MATR3: variants seen among roughly 807,000 people sequenced by gnomAD.
The protein encoded by MATR3 is matrin-3.
MATR3 carries 4 observed loss-of-function variants against 85.5 expected under a neutral mutation model. The observed-to-expected ratio is 0.05, with a 90% CI of 0.02 to 0.11. The LOEUF is 0.11. Ranked by LOEUF, MATR3 falls within the 10% of genes least tolerant of loss-of-function variation. The pLI, the probability that MATR3 is intolerant of heterozygous loss-of-function variation, is 1.00. For missense variants in MATR3, 685 were observed against 1,016.1 expected (o/e 0.67, Z 4.43); for synonymous variants, 336 against 343.1 (o/e 0.98, Z 0.23).
At chr5:139,317,405 G>T (rs73255234) in intron 6 of MATR3, among the ~76,000 whole-genome samples, 191 bp from the exon 7 acceptor site, 1 of 152,088 alleles carries the variant, frequency 6.6e-6, no homozygotes, top group African/African-American at 2.4e-5. Flanking sequence ...TAGTTTAACC[G>T]TTTGGTTATG....
chr5:139,276,386 T>A (rs1489578801), intron 2 of MATR3: 1 of 355,682 alleles, frequency 2.8e-6, no homozygotes, highest in African/African-American at 2.1e-5. Flanking sequence ...GGATAAGAAT[T>A]GTCTTGGGCC....
chr5:139,296,173 A>G (rs866524326), intron 1 of MATR3, among the ~76,000 whole-genome samples: 3 of 152,194 alleles, frequency 2.0e-5, no homozygotes, highest in African/African-American at 7.2e-5. Context: ...TAAATTTAAT[A>G]TCAGTTATTA....
intron 14 of MATR3, among the ~76,000 whole-genome samples, chr5:139,327,516 G>C (rs1447322489): frequency 6.6e-6 from 1 of 152,092 alleles, no homozygotes; most frequent in African/African-American, 2.4e-5. Context: ...CCGCCTCCCA[G>C]GTTCAAGCCA....
intron 1 of MATR3, among the ~76,000 whole-genome samples, chr5:139,305,020 A>G (rs1021378114): frequency 6.6e-6 from 1 of 152,154 alleles, no homozygotes; most frequent in Non-Finnish European, 1.5e-5. Flanking sequence ...AATTTGGTTT[A>G]TTTGTGGTTT....
chr5:139,320,623 G>T (rs1414475382), intron 9 of MATR3, among the ~76,000 whole-genome samples: 1 of 151,964 alleles, frequency 6.6e-6, no homozygotes, highest in African/African-American at 2.4e-5. Context: ...TAAGGATGAG[G>T]AGAACATCTT....
chr5:139,285,771 G>A (rs2151890218), intron 3 of MATR3, among the ~76,000 whole-genome samples: 1 of 152,166 alleles, frequency 6.6e-6, no homozygotes, highest in East Asian at 1.9e-4. Flanking sequence ...TGGAGCTAGA[G>A]AACACAATGA....
At chr5:139,294,919 C>CT (rs1256113081) in intron 1 of MATR3, 3 of 152,140 alleles carry the variant, frequency 2.0e-5, no homozygotes, top group Non-Finnish European at 4.4e-5. Context: ...CCAGATATTT[C>CT]TAGAACGGTT....
intron 1 of MATR3, among the ~76,000 whole-genome samples, chr5:139,305,727 T>C (rs1419677109): frequency 6.6e-6 from 1 of 152,172 alleles, no homozygotes; most frequent in East Asian, 1.9e-4. Context: ...ATAGTTTCTT[T>C]GGTGTATTTT....
At position 139,329,835 on chromosome 5, in the gene MATR3, T is replaced by C. The variant is rs778552955; in HGVS notation, c.*440T>C. 5.1e-5 allele frequency: 23 copies of C among 454,620 alleles called. No individual in the cohort carries two copies. Among genetic ancestry groups the C allele is most frequent in the South Asian group, 3.6e-4 (23 of 64,478 alleles). The allele number at this position is 454,620 out of a possible 1,614,324, so 28.2% of individuals were successfully genotyped here. ...GTTTTAATCTGAGCCTTGCAGACTTTCATTTGGAGTTTGAACCCGTTTTGG... is the reference window on the plus strand; with the variant it reads ...GTTTTAATCTGAGCCTTGCAGACTTCCATTTGGAGTTTGAACCCGTTTTGG... On this transcript the variant is annotated 3_prime_UTR_variant, in exon 15 of 15. Coordinates refer to ENST00000394805, the MANE Select transcript of MATR3 (RefSeq NM_018834.6).
Position 139,316,109 on chromosome 5 carries a change from T to C in MATR3, c.1050T>C (p.Asn350=). The change falls in exon 5 of 15, where the codon AAT becomes AAC. Residue 350 remains asparagine, a synonymous_variant. Transcript: ENST00000394805. ...GDPFMLQQST[N]PAPGILGPPP... ...CATTCATGTTGCAGCAGTCTACAAA[T>C]CCAGCACCAGGAATTCTGGGACCTC... is the stretch of plus-strand genomic sequence containing the variant. 2.5e-6 allele frequency: 4 copies of C among 1,613,810 alleles called. No individual in the cohort carries two copies. Among genetic ancestry groups the C allele is most frequent in the Non-Finnish European group, 3.4e-6 (4 of 1,179,946 alleles).
chr5:139,276,161 C>G (rs1753268743), intron 2 of MATR3: 1 of 456,574 alleles, frequency 2.2e-6, no homozygotes, highest in East Asian at 6.9e-5. Flanking sequence ...GTGAGTGCAA[C>G]CCCTTCAGCT....
chr5:139,323,114 T>C, intron 12 of MATR3, 147 bp downstream of exon 12: 1 of 840,494 alleles, frequency 1.2e-6, no homozygotes, highest in Non-Finnish European at 1.8e-6. Context: ...CATTTAAATC[T>C]AAACTCTGCA....
intron 2 of MATR3, chr5:139,313,206 A>G (rs1755080436): frequency 6.6e-6 from 1 of 151,894 alleles, no homozygotes; most frequent in Non-Finnish European, 1.5e-5. Context: ...ATATAATTGT[A>G]TTGGGTAGTG....
chr5:139,297,907 A>T (rs1418889435), intron 1 of MATR3, among the ~76,000 whole-genome samples: 2 of 152,200 alleles, frequency 1.3e-5, no homozygotes, highest in African/African-American at 2.4e-5. Flanking sequence ...AGGCAGAAAC[A>T]GGTTAGTAGG....
At chr5:139,300,415 C>T (rs192433007) in intron 1 of MATR3, among the ~76,000 whole-genome samples, 17 of 152,304 alleles carry the variant, frequency 1.1e-4, no homozygotes, top group African/African-American at 3.6e-4. Flanking sequence ...AAGCTGATTC[C>T]TGGTGACCAG....
chr5:139,313,149 A>G (rs1755077578), intron 2 of MATR3: 1 of 151,660 alleles, frequency 6.6e-6, no homozygotes, highest in Admixed American at 6.6e-5. Flanking sequence ...TCTCAGTGAG[A>G]CATCCCCCTT....
chr5:139,321,355 A>G (rs1271593067), intron 9 of MATR3, among the ~76,000 whole-genome samples: 1 of 151,814 alleles, frequency 6.6e-6, no homozygotes, highest in Non-Finnish European at 1.5e-5. Context: ...GTTTCACCAT[A>G]CTGGTCAGGC....
chr5:139,292,810 G>A (rs1753921352), upstream of MATR3, among the ~76,000 whole-genome samples: 1 of 152,206 alleles, frequency 6.6e-6, no homozygotes. Context: ...AGGCGTCGTG[G>A]CGGGCGCCTG....
intron 13 of MATR3, 34 bp from the exon 14 acceptor site, chr5:139,326,129 T>C: frequency 3.2e-6 from 5 of 1,540,050 alleles, no homozygotes; most frequent in Non-Finnish European, 4.5e-6. Flanking sequence ...AAATCTTCAG[T>C]TTAATTTGTA....
Sources: allele counts gnomAD v4.1 joint callset (sites outside exome capture counted in the v4.1 genomes callset), GRCh38; gene constraint gnomAD v4.1.1; transcripts MANE v1.5; gene names NCBI Gene and HGNC (gene_info 2026-07-23, HGNC 2026-07-21).